LTF: variants seen among roughly 807,000 people sequenced by gnomAD.
The protein encoded by LTF is epididymis luminal protein 110.
LTF carries 91 observed loss-of-function variants against 87.2 expected under a neutral mutation model. The ratio of observed to expected loss-of-function variants is 1.04; its 90% CI spans 0.88 to 1.24. The LOEUF is 1.24. Ranked by LOEUF, LTF falls within the 50% of genes most tolerant of loss-of-function variation. LTF has a pLI of 0.00. For synonymous variants in LTF, 378 were observed against 356.1 expected (o/e 1.06, Z -0.69); for missense variants, 901 against 904.3 (o/e 1.00, Z 0.05).
At chr3:46,436,280 A>T in intron 16 of LTF, 51 bp from the exon 17 acceptor site, 1 of 1,516,550 alleles carries the variant, frequency 6.6e-7, no homozygotes, top group South Asian at 1.1e-5. Flanking sequence ...CTTCCATTAA[A>T]CCAGTTATTT....
intron 13 of LTF, 110 bp downstream of exon 13, chr3:46,443,331 G>T: frequency 1.5e-6 from 2 of 1,327,074 alleles, no homozygotes; most frequent in South Asian, 1.3e-5. Flanking sequence ...CCCACAGGAT[G>T]ACCCCCACTC....
chr3:46,480,050 G>A (rs946552081), intron 1 of LTF, among the ~76,000 whole-genome samples: 2 of 152,294 alleles, frequency 1.3e-5, no homozygotes, highest in Middle Eastern at 3.4e-3. Context: ...GCAGATTGAG[G>A]AGGAGGTGGA....
intron 6 of LTF, among the ~76,000 whole-genome samples, chr3:46,451,636 C>T (rs533799348): frequency 1.3e-5 from 2 of 152,174 alleles, no homozygotes; most frequent in African/African-American, 4.8e-5. Flanking sequence ...ACTCTGTTGC[C>T]CAGCCTGGAA....
At chr3:46,460,206 T>C (rs1444624481) in intron 1 of LTF, among the ~76,000 whole-genome samples, 1 of 152,208 alleles carries the variant, frequency 6.6e-6, no homozygotes. Flanking sequence ...CCTGTTTTAC[T>C]GATGTGGAAA....
intron 9 of LTF, among the ~76,000 whole-genome samples, chr3:46,447,966 TCAC>T (rs1702697749): frequency 6.6e-6 from 1 of 152,118 alleles, no homozygotes; most frequent in South Asian, 2.1e-4. Context: ...TCAAGAATGC[TCAC>T]CACAGGGTTA....
chr3:46,447,470 T>C (rs1312030472), intron 9 of LTF, 72 bp from the exon 10 acceptor site: 1 of 1,058,222 alleles, frequency 9.4e-7, no homozygotes, highest in African/African-American at 1.6e-5. Flanking sequence ...TATAGCTCTC[T>C]GAGAGAATGG....
At chr3:46,436,297 A>C in intron 16 of LTF, 68 bp from the exon 17 acceptor site, 1 of 1,418,238 alleles carries the variant, frequency 7.1e-7, no homozygotes, top group Non-Finnish European at 1.0e-6. Flanking sequence ...ATTTAATCCA[A>C]TAAATCAAAG....
intron 11 of LTF, among the ~76,000 whole-genome samples, chr3:46,445,762 A>G (rs2269436): frequency 0.079 from 11,988 of 152,256 alleles, 697 homozygotes; most frequent in African/African-American, 0.15. Context: ...AACAAACACT[A>G]TAAACAACAA....
chr3:46,456,239 A>T, intron 3 of LTF, 51 bp downstream of exon 3: 1 of 1,455,908 alleles, frequency 6.9e-7, no homozygotes, highest in Non-Finnish European at 9.6e-7. Flanking sequence ...CACACAGCTC[A>T]GGGCACAGGC....
chr3:46,471,857 G>A (rs570351450), intron 1 of LTF, among the ~76,000 whole-genome samples: 1 of 152,306 alleles, frequency 6.6e-6, no homozygotes, highest in East Asian at 1.9e-4. Flanking sequence ...AGAGTATCAG[G>A]GCAGTGCCAA....
In LTF at chr3:46,439,439, C is replaced by T. The variant is rs761357051; in HGVS notation, c.1765G>A (p.Asp589Asn). Residue 589 changes from aspartate (D) to asparagine (N), a missense_variant, in exon 15 of 17, where the codon GAC becomes AAC. Transcript: ENST00000231751. Reference sequence around the variant, plus strand: ...CCATCGAGGCACAGCAGCGCAAAGTCTGCCAGCTTCAAATCCTTAGCCCAT... The same window carrying T: ...CCATCGAGGCACAGCAGCGCAAAGTTTGCCAGCTTCAAATCCTTAGCCCAT... ...EAWAKDLKLA[D>N]FALLCLDGKR... 6.2e-7 allele frequency: 1 copy of T among 1,613,728 alleles called. No individual in the cohort carries two copies. The highest frequency in any genetic ancestry group is 1.1e-5 in the South Asian group (1 of 91,050).
intron 2 of LTF, among the ~76,000 whole-genome samples, chr3:46,459,116 A>C (rs1559605048): frequency 6.6e-6 from 1 of 152,262 alleles, no homozygotes; most frequent in Admixed American, 6.5e-5. Context: ...TCATTTCAGT[A>C]GATCTTACAT....
At position 46,455,790 on chromosome 3, in the gene LTF, T is replaced by C. The variant is rs1221380320; in HGVS notation, c.499+6A>G. On this transcript the variant is annotated splice_donor_region_variant and intron_variant, in intron 4 of 16. Coordinates refer to ENST00000231751, the MANE Select transcript of LTF (RefSeq NM_002343.6). ...GAGGCCACTCACTATCCCCCAGCCA[T>C]CTTACCTGCCTCAATGGGCTCAGGT... The C allele has an allele frequency of 1.3e-6, 2 of 1,556,572 alleles. No homozygotes were observed. Among genetic ancestry groups the C allele is most frequent in the Non-Finnish European group, 1.7e-6 (2 of 1,151,534 alleles).
chr3:46,462,513 C>G (rs1055440528), intron 1 of LTF, among the ~76,000 whole-genome samples: 1 of 152,150 alleles, frequency 6.6e-6, no homozygotes, highest in Non-Finnish European at 1.5e-5. Context: ...ACTAAACTCC[C>G]CTACTCTTAC....
chr3:46,475,217 A>G (rs1383457032), intron 1 of LTF, among the ~76,000 whole-genome samples: 1 of 152,186 alleles, frequency 6.6e-6, no homozygotes, highest in Non-Finnish European at 1.5e-5. Flanking sequence ...AAAACAAACT[A>G]TTGCAACTCA....
At chr3:46,465,668 T>C (rs368014516), upstream of LTF, among the ~76,000 whole-genome samples, 1 of 152,188 alleles carries the variant, frequency 6.6e-6, no homozygotes, top group East Asian at 1.9e-4. Context: ...TAGTATTCAG[T>C]AGGAAATGGT....
rs146006710 is a variant in LTF at position 46,455,841 on chromosome 3, G to A, written c.454C>T (p.Arg152Cys). The A allele has an allele frequency of 2.1e-5, 33 of 1,602,428 alleles. No individual in the cohort carries two copies. The highest frequency in any genetic ancestry group is 5.4e-5 in the African/African-American group (4 of 74,454). The stretch of plus-strand genomic sequence containing the variant: ...GGACCCGTCCAATTCAAGAATGGAC[G>A]AAGTGTCCCTATAGGGACATTCCAT... ...AGWNVPIGTL[R>C]PFLNWTGPPE... The change falls in exon 4 of 17, where the codon CGT (arginine) becomes TGT (cysteine). Residue 152 changes from arginine to cysteine, a missense_variant. Transcript: ENST00000231751.
intron 1 of LTF, 113 bp from the exon 2 acceptor site, chr3:46,459,932 C>T: frequency 1.5e-6 from 1 of 678,256 alleles, no homozygotes; most frequent in Non-Finnish European, 2.2e-6. Flanking sequence ...GCCCTCCTTC[C>T]CTCTCCATTT....
At chr3:46,469,360 C>A (rs1268859653), upstream of LTF, 1 of 152,340 alleles carries the variant, frequency 6.6e-6, no homozygotes, top group African/African-American at 2.4e-5. Context: ...AAGAATTGAA[C>A]CTTCCGTGAA....
Sources: allele counts gnomAD v4.1 joint callset (sites outside exome capture counted in the v4.1 genomes callset), GRCh38; gene constraint gnomAD v4.1.1; transcripts MANE v1.5; gene names NCBI Gene and HGNC (gene_info 2026-07-23, HGNC 2026-07-21).